Variants in SLC29A3 observed in about 807,000 individuals in gnomAD.
The protein encoded by SLC29A3 is solute carrier family 29 member 3.
A neutral mutation model predicts 25.4 loss-of-function variants in SLC29A3; 18 were observed. That is an observed-to-expected ratio of 0.71 (90% CI 0.49 to 1.05). The LOEUF (loss-of-function observed/expected upper bound fraction) is 1.05, where lower values mean the gene tolerates loss of function less well. Ranked by LOEUF, SLC29A3 falls within the 50% of genes least tolerant of loss-of-function variation. SLC29A3 has a pLI of 0.00. For missense variants in SLC29A3, 586 were observed against 609.0 expected (o/e 0.96, Z 0.40); for synonymous variants, 258 against 267.1 (o/e 0.97, Z 0.33).
intron 4 of SLC29A3, among the ~76,000 whole-genome samples, chr10:71,353,511 ATCT>A (rs1465354122): frequency 3.9e-5 from 6 of 152,136 alleles, no homozygotes; most frequent in Admixed American, 2.6e-4. Flanking sequence ...TCCACCTGTG[ATCT>A]TCTAGGGATG....
At chr10:71,354,513 C>T (rs933702339) in intron 4 of SLC29A3, among the ~76,000 whole-genome samples, 3 of 152,242 alleles carry the variant, frequency 2.0e-5, no homozygotes, top group Non-Finnish European at 4.4e-5. Context: ...GCCATAGAGG[C>T]CACAGGCAGA....
intron 4 of SLC29A3, among the ~76,000 whole-genome samples, chr10:71,376,474 A>G (rs1847252438): frequency 6.6e-6 from 1 of 152,228 alleles, no homozygotes; most frequent in Admixed American, 6.5e-5. Flanking sequence ...GCATGTAATA[A>G]CTATTATACC....
chr10:71,332,292 G>T (rs1432589834), intron 2 of SLC29A3, among the ~76,000 whole-genome samples: 1 of 151,822 alleles, frequency 6.6e-6, no homozygotes, highest in Non-Finnish European at 1.5e-5. Context: ...TGGGATTACA[G>T]GCGCCCGCCA....
intron 2 of SLC29A3, among the ~76,000 whole-genome samples, chr10:71,335,522 G>C (rs563968186): frequency 6.6e-6 from 1 of 152,198 alleles, no homozygotes; most frequent in African/African-American, 2.4e-5. Flanking sequence ...GAGCAAAGGC[G>C]TGGAGGGGAT....
intron 4 of SLC29A3, among the ~76,000 whole-genome samples, chr10:71,355,278 C>T (rs1167301171): frequency 1.3e-5 from 2 of 152,208 alleles, no homozygotes; most frequent in African/African-American, 4.8e-5. Context: ...GACTCCTAGC[C>T]CCGTTGGCAC....
chr10:71,338,864 G>T (rs904383917), intron 2 of SLC29A3, among the ~76,000 whole-genome samples: 1 of 152,248 alleles, frequency 6.6e-6, no homozygotes, highest in Non-Finnish European at 1.5e-5. Context: ...AGAGGAACGT[G>T]TCTCACATTC....
intron 2 of SLC29A3, among the ~76,000 whole-genome samples, chr10:71,335,535 C>G (rs970332801): frequency 6.6e-6 from 1 of 152,094 alleles, no homozygotes; most frequent in Non-Finnish European, 1.5e-5. Context: ...GAGGGGATGC[C>G]TGGGGGAGAG....
intron 4 of SLC29A3, among the ~76,000 whole-genome samples, chr10:71,354,633 A>T (rs1846849120): frequency 6.6e-6 from 1 of 152,158 alleles, no homozygotes; most frequent in Non-Finnish European, 1.5e-5. Flanking sequence ...GAGCTGCCTG[A>T]TGGAGACAGA....
intron 2 of SLC29A3, among the ~76,000 whole-genome samples, chr10:71,329,544 C>T (rs1176881800): frequency 6.6e-6 from 1 of 151,832 alleles, no homozygotes; most frequent in Non-Finnish European, 1.5e-5. Flanking sequence ...GGCCTGGGCA[C>T]AAGCATTTTA....
intron 5 of SLC29A3, among the ~76,000 whole-genome samples, chr10:71,360,711 T>C (rs918096949): frequency 4.6e-5 from 7 of 152,228 alleles, no homozygotes; most frequent in African/African-American, 1.4e-4. Flanking sequence ...AATACTAGTA[T>C]ACATGTGCAA....
intron 3 of SLC29A3, among the ~76,000 whole-genome samples, chr10:71,369,555 G>T (rs956218326): frequency 1.3e-5 from 2 of 152,216 alleles, no homozygotes; most frequent in Middle Eastern, 3.2e-3. Context: ...AACACTACAG[G>T]TGTAGCGTAA....
At chr10:71,355,369 A>C (rs1203300398) in intron 4 of SLC29A3, among the ~76,000 whole-genome samples, 1 of 152,216 alleles carries the variant, frequency 6.6e-6, no homozygotes, top group Non-Finnish European at 1.5e-5. Flanking sequence ...AATGTGTGTC[A>C]AAGCCATTGG....
At chr10:71,366,102 C>T (rs1411093742), downstream of SLC29A3, 1 of 152,384 alleles carries the variant, frequency 6.6e-6, no homozygotes, top group Non-Finnish European at 1.5e-5. Flanking sequence ...AATCCTCACA[C>T]CTCAGCCTCC....
intron 2 of SLC29A3, 65 bp from the exon 3 acceptor site, chr10:71,344,144 T>G: frequency 1.6e-6 from 2 of 1,287,700 alleles, no homozygotes; most frequent in Non-Finnish European, 2.3e-6. Context: ...CTGTCTCTGC[T>G]CGCGTGGAAC....
chr10:71,340,888 C>CAGGGAAGTAAGAGGGAGGGAA, intron 2 of SLC29A3, among the ~76,000 whole-genome samples: 1 of 152,210 alleles, frequency 6.6e-6, no homozygotes, highest in Non-Finnish European at 1.5e-5. Flanking sequence ...GAGTGCGGTC[C>CAGGGAAGTAAGAGGGAGGGAA]AGGGAAGTAA....
At position 71,362,546 on chromosome 10, in the gene SLC29A3, T is replaced by A; in HGVS notation, c.1366T>A (p.Tyr456Asn). The change falls in exon 6 of 6, where the codon TAT (tyrosine) becomes AAT (asparagine). Residue 456 changes from tyrosine (Y) to asparagine (N), a missense_variant. Coordinates refer to ENST00000373189, the MANE Select transcript of SLC29A3 (RefSeq NM_018344.6). ...GGCCACGGGAGTGGTGATGTCCTTT[T>A]ATGTGTGCTTGGGCTTAACACTGGG... ...AEATGVVMSF[Y>N]VCLGLTLGSA... is the part of the protein sequence containing the mutation. 1 of 1,614,172 alleles carries A rather than the reference T, an allele frequency of 6.2e-7. No individual in the cohort carries two copies. The highest frequency in any genetic ancestry group is 1.3e-5 in the African/African-American group (1 of 75,050).
At chr10:71,372,736 C>T (rs78328228) in intron 3 of SLC29A3, among the ~76,000 whole-genome samples, 2,428 of 152,294 alleles carry the variant, frequency 0.016, 42 homozygotes, top group African/African-American at 0.046. Context: ...CTCACTCAAC[C>T]TTCCTTGAAA....
At chr10:71,357,497 T>C (rs1383394723) in intron 5 of SLC29A3, among the ~76,000 whole-genome samples, 1 of 151,926 alleles carries the variant, frequency 6.6e-6, no homozygotes, top group African/African-American at 2.4e-5. Context: ...GTGATCCTCC[T>C]GCCTCAGCCT....
At chr10:71,378,893 C>G (rs748988433) in intron 4 of SLC29A3, among the ~76,000 whole-genome samples, 1 of 152,186 alleles carries the variant, frequency 6.6e-6, no homozygotes, top group Non-Finnish European at 1.5e-5. Context: ...TTCTAATAAA[C>G]GACTTGCACT....
Sources: allele counts gnomAD v4.1 joint callset (sites outside exome capture counted in the v4.1 genomes callset), GRCh38; gene constraint gnomAD v4.1.1; transcripts MANE v1.5; gene names NCBI Gene and HGNC (gene_info 2026-07-23, HGNC 2026-07-21).